The following ADAM7 variants were observed in gnomAD, a reference collection of about 807,000 sequenced individuals.
ADAM7 encodes the protein ADAM metallopeptidase domain 7, also known as disintegrin and metalloproteinase domain-containing protein 7.
Under a neutral mutation model 102.9 loss-of-function variants are expected in ADAM7, and 97 were observed. The ratio of observed to expected loss-of-function variants is 0.94; its 90% confidence interval spans 0.80 to 1.12. The LOEUF is 1.12. ADAM7 is among the 50% of genes most tolerant of loss of function. The probability of loss-of-function intolerance (pLI) is 0.00; values close to 1 mark genes in which losing one functional copy is unlikely to be tolerated. For missense variants in ADAM7, 991 were observed against 908.7 expected, an observed-to-expected ratio of 1.09 and a Z score of -1.16; for synonymous variants, 334 against 304.4, an observed-to-expected ratio of 1.10 and a Z score of -1.01.
chr8:24,498,856 A>C (rs1820648138), intron 16 of ADAM7, among the ~76,000 whole-genome samples: 1 of 151,986 alleles, frequency 6.6e-6, no homozygotes. Flanking sequence ...TATAATAAAC[A>C]TACATTGCTA....
chr8:24,491,280 G>C (rs1189838812), intron 13 of ADAM7, among the ~76,000 whole-genome samples: 1 of 152,144 alleles, frequency 6.6e-6, no homozygotes, highest in Admixed American at 6.6e-5. Flanking sequence ...ACGTTCCCGA[G>C]GAAGACAACC....
At chr8:24,454,239 G>A (rs1293450767) in intron 3 of ADAM7, among the ~76,000 whole-genome samples, 1 of 152,222 alleles carries the variant, frequency 6.6e-6, no homozygotes, top group Non-Finnish European at 1.5e-5. Flanking sequence ...TTGTTTGTCT[G>A]TGCCCTGCCC....
chr8:24,468,641 G>A, intron 6 of ADAM7, 126 bp from the exon 7 acceptor site: 1 of 745,184 alleles, frequency 1.3e-6, no homozygotes, highest in Non-Finnish European at 2.3e-6. Flanking sequence ...ATATTCATAT[G>A]CCTCCCCATT....
rs570127676 is a variant in ADAM7, at chr8:24,497,830, C to T, written c.1843-1406C>T. ...CAAAAGAGAAAAGGTCATTAATTTG[C>T]TACAGAAAGAAATATCAGGTTACCA... On this transcript the variant is annotated intron_variant, in intron 16 of 21. Transcript: ENST00000175238. 2.0e-5 allele frequency among the ~76,000 whole-genome samples: 3 copies of T among 152,170 alleles called. No individual in the cohort carries two copies. The South Asian group carries it at 6.2e-4, about 32-fold the overall frequency.
Position 24,442,594 on chromosome 8 carries a change from G to A in ADAM7, c.156+18G>A. 1.3e-6 allele frequency: 2 copies of A among 1,585,882 alleles called. No homozygotes were observed. The highest frequency in any genetic ancestry group is 1.7e-6 in the Non-Finnish European group (2 of 1,154,370). ...ACATACTGGTACAAGTTTTGATTTA[G>A]TAAATAAGATTTGTTGCTTTCACAG... On this transcript the variant is annotated intron_variant, in intron 2 of 21. Coordinates refer to ENST00000175238, the MANE Select transcript of ADAM7 (RefSeq NM_003817.4).
At chr8:24,444,050 G>A (rs899835439) in intron 2 of ADAM7, among the ~76,000 whole-genome samples, 2 of 151,496 alleles carry the variant, frequency 1.3e-5, no homozygotes, top group Non-Finnish European at 2.9e-5. Context: ...AAAGCTTCTT[G>A]TATACCAGAA....
intron 1 of ADAM7, 36 bp from the exon 2 acceptor site, chr8:24,442,437 G>A: frequency 7.0e-7 from 1 of 1,422,614 alleles, no homozygotes; most frequent in South Asian, 1.1e-5. Context: ...GAATGTTAAT[G>A]TCAGACGGAT....
chr8:24,455,910 T>C (rs1352396834), intron 3 of ADAM7, among the ~76,000 whole-genome samples: 3 of 152,228 alleles, frequency 2.0e-5, no homozygotes, highest in East Asian at 1.9e-4. Context: ...GAATACAATG[T>C]GTAATAATTA....
intron 8 of ADAM7, among the ~76,000 whole-genome samples, chr8:24,478,360 G>C (rs924637049): frequency 6.6e-6 from 1 of 152,088 alleles, no homozygotes; most frequent in African/African-American, 2.4e-5. Flanking sequence ...CAGGAGAAAT[G>C]CTGCTGCTTC....
At chr8:24,497,753 T>C (rs954100402) in intron 16 of ADAM7, among the ~76,000 whole-genome samples, 2 of 152,164 alleles carry the variant, frequency 1.3e-5, no homozygotes, top group African/African-American at 4.8e-5. Flanking sequence ...TGAAGGCTTT[T>C]ACTTACCCTC....
intron 7 of ADAM7, among the ~76,000 whole-genome samples, chr8:24,475,615 A>G (rs1819742750): frequency 6.6e-6 from 1 of 152,114 alleles, no homozygotes; most frequent in Non-Finnish European, 1.5e-5. Context: ...GATTGAAGAG[A>G]TTCTAATGCT....
At chr8:24,471,637 T>A (rs961828978) in intron 7 of ADAM7, among the ~76,000 whole-genome samples, 9 of 152,150 alleles carry the variant, frequency 5.9e-5, no homozygotes, top group Non-Finnish European at 8.8e-5. Context: ...TTGTAGGTTA[T>A]AACATTTAGG....
chr8:24,463,810 T>C (rs1819332269), intron 3 of ADAM7, 72 bp from the exon 4 acceptor site: 6 of 1,297,758 alleles, frequency 4.6e-6, no homozygotes, highest in Non-Finnish European at 5.5e-6. Flanking sequence ...CACTTCTCCA[T>C]CACATTATAG....
chr8:24,476,543 C>A (rs1243434970), intron 8 of ADAM7, 39 bp downstream of exon 8: 2 of 1,505,170 alleles, frequency 1.3e-6, no homozygotes, highest in South Asian at 2.3e-5. Context: ...GCCAATAATA[C>A]GAATGCAAAG....
At chr8:24,491,747 T>G in intron 13 of ADAM7, 156 bp from the exon 14 acceptor site, 1 of 574,828 alleles carries the variant, frequency 1.7e-6, no homozygotes. Context: ...TGCCAACACA[T>G]TGACAAATGA....
rs552219254 is a variant in ADAM7 at position 24,467,103 on chromosome 8, G to A, written c.579+115G>A. 125 of 1,021,574 alleles carry A rather than the reference G, an allele frequency of 1.2e-4. 1 individual carries two copies. In the East Asian group the frequency reaches 3.0e-3, roughly 24 times the overall value. 63.3% of individuals were successfully genotyped at this position (1,021,574 alleles called of 1,614,324 possible). A position where few individuals can be genotyped will look rare whatever the true frequency, so the allele number is the denominator to read the frequency against. Reference sequence around the variant, plus strand: ...AAATATATGTGCTACTTTCAGTCTGGCACTTCATCTGATATTTGAAATTGG... The same window carrying A: ...AAATATATGTGCTACTTTCAGTCTGACACTTCATCTGATATTTGAAATTGG... On this transcript the variant is annotated intron_variant, in intron 6 of 21. Coordinates refer to ENST00000175238, the MANE Select transcript of ADAM7 (RefSeq NM_003817.4).
chr8:24,472,180 A>C (rs910000476), intron 7 of ADAM7, among the ~76,000 whole-genome samples: 5 of 151,420 alleles, frequency 3.3e-5, no homozygotes, highest in Admixed American at 3.3e-4. Flanking sequence ...GCTCCTCTCC[A>C]TCAGAAAATG....
chr8:24,486,776 A>G (rs1820159017), intron 10 of ADAM7, among the ~76,000 whole-genome samples: 1 of 152,152 alleles, frequency 6.6e-6, no homozygotes, highest in Non-Finnish European at 1.5e-5. Flanking sequence ...TGCCCCCATG[A>G]CTTACTCACC....
chr8:24,465,646 C>A, intron 4 of ADAM7, 53 bp from the exon 5 acceptor site: 1 of 1,068,028 alleles, frequency 9.4e-7, no homozygotes, highest in Non-Finnish European at 1.3e-6. Flanking sequence ...ATATTAGTAT[C>A]TATATAAAAT....
Sources: gnomAD v4.1 joint callset for allele counts (sites outside exome capture counted in the v4.1 genomes callset) on GRCh38, gnomAD v4.1.1 for gene constraint, MANE v1.5 for transcripts, NCBI Gene and HGNC (gene_info 2026-07-23, HGNC 2026-07-21) for gene names.